MYZAP: variants seen among roughly 807,000 people sequenced by gnomAD.
MYZAP encodes myocardial zonula adherens protein.
MYZAP carries 66 observed loss-of-function variants against 69.4 expected under a neutral mutation model. The observed-to-expected ratio is 0.95, with a 90% CI of 0.78 to 1.17. The LOEUF (loss-of-function observed/expected upper bound fraction) is 1.17, where lower values mean the gene tolerates loss of function less well. Ranked by LOEUF, MYZAP falls within the 50% of genes most tolerant of loss-of-function variation. MYZAP has a pLI of 0.00. For missense variants in MYZAP, 611 were observed against 556.2 expected, an observed-to-expected ratio of 1.10 and a Z score of -0.99; for synonymous variants, 256 against 205.9, an observed-to-expected ratio of 1.24 and a Z score of -2.09.
intron 3 of MYZAP, among the ~76,000 whole-genome samples, chr15:57,620,187 A>G (rs2035723455): frequency 6.6e-6 from 1 of 152,222 alleles, no homozygotes; most frequent in Admixed American, 6.5e-5. Context: ...GCAAGAAAGT[A>G]GACTCTATTT....
At chr15:57,680,143 T>G (rs1378155584) in intron 12 of MYZAP, among the ~76,000 whole-genome samples, 2 of 152,176 alleles carry the variant, frequency 1.3e-5, no homozygotes, top group East Asian at 3.8e-4. Context: ...CCTTTTCATA[T>G]TTCTGTGGCT....
intron 2 of MYZAP, among the ~76,000 whole-genome samples, chr15:57,614,400 A>G (rs1336221457): frequency 6.6e-6 from 1 of 152,236 alleles, no homozygotes; most frequent in Non-Finnish European, 1.5e-5. Context: ...GCTGGGCTGC[A>G]GCTGTGGTGA....
At chr15:57,645,946 C>T (rs1202118006) in intron 10 of MYZAP, among the ~76,000 whole-genome samples, 1 of 152,246 alleles carries the variant, frequency 6.6e-6, no homozygotes, top group Admixed American at 6.5e-5. Flanking sequence ...TTTGCTGGCA[C>T]ACAATTTAAT....
chr15:57,592,219 C>T (rs1336140964), intron 1 of MYZAP, 110 bp downstream of exon 1: 1 of 1,026,788 alleles, frequency 9.7e-7, no homozygotes, highest in Non-Finnish European at 1.3e-6. Context: ...GGCCCCGACG[C>T]CCCACCCTGG....
rs1595943056 is a variant in MYZAP, at chr15:57,676,966, G to A, written c.1304+1898G>A. On this transcript the variant is annotated intron_variant, in intron 12 of 12. Transcript: ENST00000267853. ...TTAACTACCTAGGTCAATCAGCAGA[G>A]GAAATGAAAACTACATATCCGTGTT... Among the ~76,000 whole-genome samples, 6 of 152,244 alleles carry A rather than the reference G, an allele frequency of 3.9e-5. No individual in the cohort carries two copies. In the South Asian group the frequency reaches 1.2e-3, roughly 32 times the overall value.
At chr15:57,599,542 C>T (rs1187277021) in intron 1 of MYZAP, 5 of 1,263,194 alleles carry the variant, frequency 4.0e-6, no homozygotes, top group African/African-American at 1.5e-5. Flanking sequence ...TGCAGTTCTT[C>T]GCATTGTGCA....
rs1332196724 is a variant in MYZAP at position 57,680,324 on chromosome 15, TCTA to T, written c.1305-4075_1305-4073del. On this transcript the variant is annotated intron_variant, in intron 12 of 12. Transcript: ENST00000267853. The stretch of plus-strand genomic sequence containing the variant: ...TGCCAGCCTGCCTCAGACTGTCTAA[TCTA>T]CTCAGTACCATCTCTCTGCCTCACT... Among the ~76,000 whole-genome samples, 5 of 152,278 alleles carry T rather than the reference TCTA, an allele frequency of 3.3e-5. No homozygotes were observed. In the South Asian group the frequency reaches 1.0e-3, roughly 32 times the overall value.
chr15:57,671,891 C>G (rs1002659615), intron 11 of MYZAP, among the ~76,000 whole-genome samples: 1 of 152,008 alleles, frequency 6.6e-6, no homozygotes, highest in Non-Finnish European at 1.5e-5. Context: ...TTCTCTTTTC[C>G]CTTAGGAGTG....
At chr15:57,670,772 A>C (rs1268028439) in intron 11 of MYZAP, among the ~76,000 whole-genome samples, 2 of 151,846 alleles carry the variant, frequency 1.3e-5, no homozygotes, top group Admixed American at 1.3e-4. Context: ...TCTTTTCTCT[A>C]ATATGTTGGT....
intron 10 of MYZAP, among the ~76,000 whole-genome samples, chr15:57,641,078 A>G (rs1409871794): frequency 2.6e-5 from 4 of 152,148 alleles, no homozygotes; most frequent in Admixed American, 1.3e-4. Context: ...ATTTTCCCCT[A>G]TGCGAGTCTC....
chr15:57,612,557 A>G (rs2035173853), intron 2 of MYZAP, among the ~76,000 whole-genome samples: 2 of 152,236 alleles, frequency 1.3e-5, no homozygotes, highest in South Asian at 2.1e-4. Context: ...AGAGCAGTGA[A>G]TAAGGCAGAT....
chr15:57,604,517 A>T (rs927760192), intron 2 of MYZAP, among the ~76,000 whole-genome samples, 162 bp downstream of exon 2: 2 of 152,126 alleles, frequency 1.3e-5, no homozygotes, highest in African/African-American at 4.8e-5. Context: ...TCTTCCCAGA[A>T]GACAGAGAGC....
At chr15:57,606,384 C>T (rs1298625316) in intron 2 of MYZAP, among the ~76,000 whole-genome samples, 1 of 152,068 alleles carries the variant, frequency 6.6e-6, no homozygotes, top group Non-Finnish European at 1.5e-5. Flanking sequence ...TTCTGCAAAA[C>T]AATTGGCCTG....
At chr15:57,648,578 T>A in intron 10 of MYZAP, 3 of 586,260 alleles carry the variant, frequency 5.1e-6, no homozygotes, top group Non-Finnish European at 6.4e-6. Context: ...AAAAAATAAG[T>A]AGCTGGCAGT....
intron 2 of MYZAP, among the ~76,000 whole-genome samples, chr15:57,612,972 C>T (rs1245757724): frequency 6.6e-6 from 1 of 152,126 alleles, no homozygotes; most frequent in Non-Finnish European, 1.5e-5. Context: ...CGCTCTGTCG[C>T]CCAGGCTGGA....
intron 2 of MYZAP, among the ~76,000 whole-genome samples, chr15:57,617,242 A>C (rs751050763): frequency 6.6e-6 from 1 of 152,220 alleles, no homozygotes; most frequent in African/African-American, 2.4e-5. Flanking sequence ...TTGCTGTGTC[A>C]TAGAGTGGTT....
intron 1 of MYZAP, among the ~76,000 whole-genome samples, chr15:57,595,097 G>T (rs556156702): frequency 6.6e-6 from 1 of 152,274 alleles, no homozygotes; most frequent in Non-Finnish European, 1.5e-5. Context: ...AGCTGCCAAG[G>T]GTTATGTGGC....
intron 2 of MYZAP, among the ~76,000 whole-genome samples, chr15:57,611,583 A>C (rs2035109782): frequency 6.6e-6 from 1 of 152,084 alleles, no homozygotes; most frequent in Non-Finnish European, 1.5e-5. Flanking sequence ...GGCTGCTATC[A>C]TTACAAATGC....
Position 57,633,753 on chromosome 15 carries a change from C to A in MYZAP, c.933+12C>A. The A allele has an allele frequency of 1.3e-6, 2 of 1,557,330 alleles. No individual in the cohort carries two copies. The highest frequency in any genetic ancestry group is 1.3e-5 in the South Asian group (1 of 77,942). On this transcript the variant is annotated intron_variant, in intron 8 of 12. Coordinates refer to ENST00000267853, the MANE Select transcript of MYZAP (RefSeq NM_001018100.5). The stretch of plus-strand genomic sequence containing the variant: ...AGCGCATGGAAAAGGTAGGACACAG[C>A]GTTGGGCCTATTGCCCACTTGCCCA...
Sources: allele counts gnomAD v4.1 joint callset (sites outside exome capture counted in the v4.1 genomes callset), GRCh38; gene constraint gnomAD v4.1.1; transcripts MANE v1.5; gene names NCBI Gene and HGNC (gene_info 2026-07-23, HGNC 2026-07-21).